The following PCDHGA3 variants were observed in gnomAD, a reference collection of about 807,000 sequenced individuals.
PCDHGA3 encodes the protein protocadherin gamma-A3.
Under a neutral mutation model 58.5 loss-of-function variants are expected in PCDHGA3, and 40 were observed. That is an observed-to-expected ratio of 0.68 (90% CI 0.53 to 0.89). The LOEUF (loss-of-function observed/expected upper bound fraction) is 0.89, where lower values mean the gene tolerates loss of function less well. Among genes scored for constraint, PCDHGA3 ranks in the 40% least tolerant of loss-of-function variants. PCDHGA3 has a pLI of 0.00. For missense variants in PCDHGA3, 1,223 were observed against 1,195.9 expected (o/e 1.02, Z -0.33); for synonymous variants, 530 against 525.7 (o/e 1.01, Z -0.11).
In PCDHGA3 at chr5:141,490,498, T is replaced by C. The variant is rs544031284; in HGVS notation, c.2425-4309T>C. On this transcript the variant is annotated intron_variant, in intron 1 of 3. Coordinates refer to ENST00000253812, the MANE Select transcript of PCDHGA3 (RefSeq NM_018916.4). This position sits in a 1 kb window ranked among gnomAD's most constrained non-coding sequence, Gnocchi z 5.4. ...TTTGGACCGGGAGGCCACATCCCAC[T>C]ATATCATCGAGCTGCTGGCCAGCGA... 1.2e-6 allele frequency: 2 copies of C among 1,614,132 alleles called. No individual in the cohort carries two copies. Among genetic ancestry groups the C allele is most frequent in the African/African-American group, 1.3e-5 (1 of 75,038 alleles).
Position 141,489,322 on chromosome 5 carries a change from T to C in PCDHGA3, c.2425-5485T>C. The C allele has an allele frequency of 6.2e-7, 1 of 1,601,052 alleles. No individual in the cohort carries two copies. Among genetic ancestry groups the C allele is most frequent in the Non-Finnish European group, 8.5e-7 (1 of 1,172,658 alleles). ...GTCCTTGTGCTGCTGGGGCTGGGTGTCTGGGCAGCTTCGTTACTCAGTGGT... is the reference window on the plus strand; with the variant it reads ...GTCCTTGTGCTGCTGGGGCTGGGTGCCTGGGCAGCTTCGTTACTCAGTGGT... On this transcript the variant is annotated intron_variant, in intron 1 of 3. Coordinates refer to ENST00000253812, the MANE Select transcript of PCDHGA3 (RefSeq NM_018916.4). The surrounding 1 kb of genome is among the most constrained non-coding windows in gnomAD (Gnocchi z 4.5).
At chr5:141,364,497 C>T (rs768698440) in intron 1 of PCDHGA3, 1 of 1,614,016 alleles carries the variant, frequency 6.2e-7, no homozygotes. Flanking sequence ...GGGCTGGAGC[C>T]CCAGGAGCTG....
chr5:141,427,149 A>G (rs1303323489), intron 1 of PCDHGA3: 1 of 456,850 alleles, frequency 2.2e-6, no homozygotes, highest in Non-Finnish European at 4.4e-6. Context: ...TATTGGAAAT[A>G]TGTTTGTGCT....
At chr5:141,361,575 C>T (rs1407406869) in intron 1 of PCDHGA3, 3 of 1,614,062 alleles carry the variant, frequency 1.9e-6, no homozygotes, top group Non-Finnish European at 8.5e-7. Context: ...CTGACCCTGA[C>T]TTGGGCCCCA....
intron 1 of PCDHGA3, chr5:141,433,315 TCCGGTGTAACAGGGACTA>T: frequency 1.2e-6 from 1 of 856,086 alleles, no homozygotes; most frequent in Non-Finnish European, 1.8e-6. Flanking sequence ...CACCTTTGCC[TCCGGTGTAACAGGGACTA>T]CAGGTGCAAG....
Position 141,343,961 on chromosome 5 carries a change from TG to T in PCDHGA3, c.-72del, listed in dbSNP as rs746769651. The T allele has an allele frequency of 1.0e-5, 14 of 1,353,936 alleles. No individual in the cohort carries two copies. The highest frequency in any genetic ancestry group is 1.3e-5 in the Non-Finnish European group (13 of 1,003,230). The allele number at this position is 1,353,936 out of a possible 1,614,324, so 83.9% of individuals were successfully genotyped here. ...TAGGCCCGTAAAAGACTTCGTTTCT[TG>T]AGAAAATAAGATTGGAGTCCGTCGT... On this transcript the variant is annotated 5_prime_UTR_variant, in exon 1 of 4. Transcript: ENST00000253812.
In PCDHGA3 at chr5:141,511,308, G is replaced by A. The variant is rs76613492; in HGVS notation, c.*135G>A. ...AGGGGCCAAGGCCATGCTCCCCTTG[G>A]GAAACAGAAACAAGTGCCCAGTCAG... is the stretch of plus-strand genomic sequence containing the variant. On this transcript the variant is annotated 3_prime_UTR_variant, in exon 4 of 4. Coordinates refer to ENST00000253812, the MANE Select transcript of PCDHGA3 (RefSeq NM_018916.4). 1.1e-3 allele frequency: 1,589 copies of A among 1,487,716 alleles called. 16 individuals carry two copies. In the African/African-American group the frequency reaches 0.021, roughly 19 times the overall value. The allele number at this position is 1,487,716 out of a possible 1,614,324, so 92.2% of individuals were successfully genotyped here.
chr5:141,372,041 C>T (rs779511565), intron 1 of PCDHGA3: 1 of 1,613,492 alleles, frequency 6.2e-7, no homozygotes, highest in South Asian at 1.1e-5. Flanking sequence ...TGAGCCTGCG[C>T]GTGTTGGTGG....
At chr5:141,352,377 C>A in intron 1 of PCDHGA3, 1 of 1,614,038 alleles carries the variant, frequency 6.2e-7, no homozygotes, top group South Asian at 1.1e-5. Flanking sequence ...GTGATTCTAG[C>A]GATCGCCCTG....
Position 141,485,291 on chromosome 5 carries a change from CAGGA to C in PCDHGA3, c.2425-9512_2425-9509del. ...CCGCTACCCGGTCCCAGAGGAGTCA[CAGGA>C]AGGGACTTTTGTAGGGAATGTCGCT... On this transcript the variant is annotated intron_variant, in intron 1 of 3. Transcript: ENST00000253812. The surrounding 1 kb of genome is among the most constrained non-coding windows in gnomAD (Gnocchi z 5.7). 1 of 1,614,152 alleles carries C rather than the reference CAGGA, an allele frequency of 6.2e-7. No individual in the cohort carries two copies. Among genetic ancestry groups the C allele is most frequent in the Non-Finnish European group, 8.5e-7 (1 of 1,179,992 alleles).
At position 141,345,170 on chromosome 5, in the gene PCDHGA3, T is replaced by C. The variant is rs1223541930; in HGVS notation, c.1137T>C (p.Asn379=). The C allele has an allele frequency of 5.0e-6, 8 of 1,613,882 alleles. No individual in the cohort carries two copies. Among genetic ancestry groups the C allele is most frequent in the East Asian group, 2.2e-5 (1 of 44,902 alleles). The change falls in exon 1 of 4, where the codon AAT becomes AAC. Residue 379 remains asparagine (N), a synonymous_variant. Coordinates refer to ENST00000253812, the MANE Select transcript of PCDHGA3 (RefSeq NM_018916.4). The part of the protein sequence containing the change: ...IDVHDRDSGQ[N]GQVEVFVLGN... ...TGCATGACCGAGATTCTGGGCAGAA[T>C]GGGCAGGTTGAAGTTTTTGTCCTGG... is the stretch of plus-strand genomic sequence containing the variant.
intron 1 of PCDHGA3, chr5:141,355,818 G>A: frequency 1.2e-6 from 2 of 1,613,008 alleles, no homozygotes; most frequent in South Asian, 1.1e-5. Flanking sequence ...AGGAAGAGGC[G>A]GTTCACCACC....
chr5:141,419,700 C>T, intron 1 of PCDHGA3: 2 of 1,612,974 alleles, frequency 1.2e-6, no homozygotes, highest in Non-Finnish European at 1.7e-6. Context: ...GCCAGTGAGC[C>T]CGGGCTCTTC....
chr5:141,363,711 G>A (rs1340350758), intron 1 of PCDHGA3, among the ~76,000 whole-genome samples: 1 of 152,188 alleles, frequency 6.6e-6, no homozygotes, highest in Non-Finnish European at 1.5e-5. Context: ...GGCCTGTTTG[G>A]AAAGGTGCAT....
At chr5:141,390,249 C>A (rs749702926) in intron 1 of PCDHGA3, 1 of 1,614,046 alleles carries the variant, frequency 6.2e-7, no homozygotes, top group South Asian at 1.1e-5. Context: ...CTTATTTCCA[C>A]TTTGTAATTC....
rs1342481070 is a variant in PCDHGA3 at position 141,485,056 on chromosome 5, C to T, written c.2425-9751C>T. 8 of 840,338 alleles carry T rather than the reference C, an allele frequency of 9.5e-6. No homozygotes were observed. The Admixed American group carries it at 1.9e-4, about 20-fold the overall frequency. 52.1% of individuals were successfully genotyped at this position (840,338 alleles called of 1,614,324 possible). A position where few individuals can be genotyped will look rare whatever the true frequency, so the allele number is the denominator to read the frequency against. The stretch of plus-strand genomic sequence containing the variant: ...CGTAACCCTTGCGGCGCCGGCCGAA[C>T]CGCGCCAGAGCTGGCGCGGGGAAAG... On this transcript the variant is annotated intron_variant, in intron 1 of 3. Transcript: ENST00000253812. The surrounding 1 kb of genome is among the most constrained non-coding windows in gnomAD (Gnocchi z 5.7).
At chr5:141,496,509 C>A (rs955577717) in intron 2 of PCDHGA3, among the ~76,000 whole-genome samples, 3 of 152,168 alleles carry the variant, frequency 2.0e-5, no homozygotes, top group Non-Finnish European at 4.4e-5. Context: ...GCCACAAGGA[C>A]CCAGGAGCCC....
chr5:141,402,895 A>G, intron 1 of PCDHGA3: 1 of 1,505,744 alleles, frequency 6.6e-7, no homozygotes, highest in South Asian at 1.4e-5. Context: ...GGAAGAAAGA[A>G]CCTGATGAAG....
chr5:141,470,054 C>T (rs895181664), intron 1 of PCDHGA3, among the ~76,000 whole-genome samples: 2 of 152,118 alleles, frequency 1.3e-5, no homozygotes, highest in African/African-American at 4.8e-5. Flanking sequence ...GTTTGAACCC[C>T]GGAGGCAGAG....
Sources: gnomAD v4.1 joint callset for allele counts (sites outside exome capture counted in the v4.1 genomes callset) on GRCh38, gnomAD v4.1.1 for gene constraint, Gnocchi (gnomAD v3.1) non-coding constraint, MANE v1.5 for transcripts, NCBI Gene and HGNC (gene_info 2026-07-23, HGNC 2026-07-21) for gene names.